MGST1: variants seen among roughly 807,000 people sequenced by gnomAD.
MGST1 encodes microsomal glutathione S-transferase 1, also known as glutathione S-transferase 12.
A neutral mutation model predicts 8.9 loss-of-function variants in MGST1; 5 were observed. The ratio of observed to expected loss-of-function variants is 0.56; its 90% CI spans 0.29 to 1.19. The LOEUF (loss-of-function observed/expected upper bound fraction) is 1.19. Among genes scored for constraint, MGST1 ranks in the 50% most tolerant of loss-of-function variants. The probability of loss-of-function intolerance (pLI) is 0.08; values close to 1 mark genes in which losing one functional copy is unlikely to be tolerated. For missense variants in MGST1, 182 were observed against 187.4 expected, an observed-to-expected ratio of 0.97 and a Z score of 0.17; for synonymous variants, 54 against 67.8, an observed-to-expected ratio of 0.80 and a Z score of 1.00.
chr12:16,399,738 T>C, intron 1 of MGST1: 4 of 1,166,730 alleles, frequency 3.4e-6, no homozygotes, highest in Non-Finnish European at 5.2e-6. Context: ...GTTGAGGGAC[T>C]GTACTCCTTC....
intron 1 of MGST1, among the ~76,000 whole-genome samples, chr12:16,384,364 CT>C (rs1437807838): frequency 6.6e-6 from 1 of 152,082 alleles, no homozygotes; most frequent in Admixed American, 6.5e-5. Context: ...AGATTGGGCT[CT>C]AAATCCAATG....
intron 4 of MGST1, among the ~76,000 whole-genome samples, chr12:16,521,271 A>C (rs1284448661): frequency 6.6e-6 from 1 of 152,146 alleles, no homozygotes; most frequent in East Asian, 1.9e-4. Flanking sequence ...CACAAATAAA[A>C]ATCCAGAAAG....
intron 4 of MGST1, among the ~76,000 whole-genome samples, chr12:16,453,380 T>C (rs969507275): frequency 6.6e-6 from 1 of 151,968 alleles, no homozygotes; most frequent in African/African-American, 2.4e-5. Flanking sequence ...GATTGTTTCA[T>C]ATTTCAATCA....
chr12:16,568,959 G>A (rs1942715794), intron 4 of MGST1, among the ~76,000 whole-genome samples: 1 of 152,020 alleles, frequency 6.6e-6, no homozygotes, highest in Non-Finnish European at 1.5e-5. Context: ...TTTCTAACTT[G>A]AAACTTAAAA....
Position 16,588,301 on chromosome 12 carries a change from A to G in MGST1, n.483-1227A>G, listed in dbSNP as rs568170791. Among the ~76,000 whole-genome samples, 14 of 152,204 alleles carry G rather than the reference A, an allele frequency of 9.2e-5. No homozygotes were observed. In the South Asian group the frequency reaches 2.7e-3, roughly 29 times the overall value. Reference sequence around the variant, plus strand: ...CTCAAATTTCTTTAAGAATAAAGATATATAATCAAATTGTTTAAAGAACAC... The same window carrying G: ...CTCAAATTTCTTTAAGAATAAAGATGTATAATCAAATTGTTTAAAGAACAC... On this transcript the variant is annotated intron_variant and non_coding_transcript_variant, in intron 4 of 4. Coordinates refer to the MGST1 transcript ENST00000538857.
intron 4 of MGST1, among the ~76,000 whole-genome samples, chr12:16,580,187 AACTCCTGGGCTCAAGTGGTCCTCCC>A (rs1181508406): frequency 7.9e-5 from 12 of 152,150 alleles, no homozygotes; most frequent in Admixed American, 3.9e-4. Flanking sequence ...GCTGGCCTCC[AACTCCTGGGCTCAAGTGGTCCTCCC>A]ACCTCAATCT....
intron 4 of MGST1, among the ~76,000 whole-genome samples, chr12:16,522,227 T>C (rs950519268): frequency 6.6e-6 from 1 of 152,128 alleles, no homozygotes. Context: ...TTTTTGACGA[T>C]GGGATCGATG....
downstream of MGST1, among the ~76,000 whole-genome samples, chr12:16,366,403 C>T (rs986781756): frequency 5.3e-5 from 8 of 152,092 alleles, no homozygotes; most frequent in Non-Finnish European, 2.9e-5. The surrounding 1 kb of genome is among the most constrained non-coding windows in gnomAD (Gnocchi z 4.0). Flanking sequence ...GGTCTAGTCT[C>T]TCCTGAAACA....
In MGST1 at chr12:16,551,615, C is replaced by T. The variant is rs180889751; in HGVS notation, n.483-37913C>T. The stretch of plus-strand genomic sequence containing the variant: ...TTGCTTTTTTTTTTTTTAAACCACA[C>T]TGGAAAGAAAAAAAATAAAAAGAAC... On this transcript the variant is annotated intron_variant and non_coding_transcript_variant, in intron 4 of 4. Transcript: ENST00000538857. Among the ~76,000 whole-genome samples, 189 of 146,564 alleles carry T rather than the reference C, an allele frequency of 1.3e-3. 2 individuals are homozygous for T. Among genetic ancestry groups the T allele is most frequent in the Admixed American group, 4.4e-3 (65 of 14,744 alleles).
intron 1 of MGST1, chr12:16,400,866 T>C (rs1940649102): frequency 2.6e-6 from 3 of 1,174,146 alleles, no homozygotes; most frequent in Non-Finnish European, 3.9e-6. Context: ...TGTGGTTCCT[T>C]AGGCATCAGA....
At position 16,357,710 on chromosome 12, in the gene MGST1, GTC is replaced by G. The variant is rs747068649; in HGVS notation, c.221+15_221+16del. On this transcript the variant is annotated intron_variant, in intron 3 of 3. Transcript: ENST00000396210. ...AGAACGTGTACGCAGGTAAACCAGT[GTC>G]TCTTGAAATTACTTACTTTATGAAA... The G allele has an allele frequency of 1.9e-6, 3 of 1,605,206 alleles. No individual in the cohort carries two copies. Among genetic ancestry groups the G allele is most frequent in the African/African-American group, 2.7e-5 (2 of 74,298 alleles).
At chr12:16,368,040 TTAGC>T (rs1262088266), downstream of MGST1, among the ~76,000 whole-genome samples, 1 of 151,708 alleles carries the variant, frequency 6.6e-6, no homozygotes, top group Non-Finnish European at 1.5e-5. Flanking sequence ...TATGCTGAGT[TTAGC>T]TAGGAGGTTA....
intron 4 of MGST1, among the ~76,000 whole-genome samples, chr12:16,472,213 C>T (rs1941293451): frequency 6.6e-6 from 1 of 151,948 alleles, no homozygotes; most frequent in East Asian, 1.9e-4. Flanking sequence ...TCTTACCTGC[C>T]CCATAAAAAG....
intron 4 of MGST1, among the ~76,000 whole-genome samples, chr12:16,554,719 G>A (rs1008252783): frequency 7.2e-5 from 11 of 152,086 alleles, no homozygotes; most frequent in Admixed American, 3.3e-4. Flanking sequence ...GCCTGACTCC[G>A]GAGAGGGAGA....
At position 16,548,354 on chromosome 12, in the gene MGST1, C is replaced by T. The variant is rs907701249; in HGVS notation, n.483-41174C>T. The T allele has an allele frequency of 6.6e-6, 1 of 151,716 alleles. No homozygotes were observed. The highest frequency in any genetic ancestry group is 2.4e-5 in the African/African-American group (1 of 41,258). The allele number at this position is 151,716 out of a possible 1,614,324, so 9.4% of individuals were successfully genotyped here. A position where few individuals can be genotyped will look rare whatever the true frequency, so the allele number is the denominator to read the frequency against. On this transcript the variant is annotated intron_variant and non_coding_transcript_variant, in intron 4 of 4. Transcript: ENST00000538857. The surrounding 1 kb of genome is among the most constrained non-coding windows in gnomAD (Gnocchi z 4.2). ...TTCTAGAGATCATCTTAAATTTTGC[C>T]AATTAAGTGCAATCAAATAGTGTAA...
intron 4 of MGST1, among the ~76,000 whole-genome samples, chr12:16,543,212 G>A (rs1941802375): frequency 6.6e-6 from 1 of 152,066 alleles, no homozygotes; most frequent in Non-Finnish European, 1.5e-5. Flanking sequence ...AGTGATTACT[G>A]AGTTCATCTT....
chr12:16,376,310 A>G (rs1470667192), exon 4 of MGST1: 1 of 480,714 alleles, frequency 2.1e-6, no homozygotes. Context: ...GCTGTTAACA[A>G]CACAAAAAGA....
At chr12:16,434,450 G>A (rs1328232060) in intron 1 of MGST1, among the ~76,000 whole-genome samples, 1 of 151,646 alleles carries the variant, frequency 6.6e-6, no homozygotes, top group Non-Finnish European at 1.5e-5. Flanking sequence ...AGTTGTGTGT[G>A]TGTGTGTGTG....
chr12:16,463,770 C>G (rs1565459679), intron 4 of MGST1, among the ~76,000 whole-genome samples: 2 of 152,104 alleles, frequency 1.3e-5, no homozygotes. Context: ...AAATAAGGCA[C>G]AAGACATTCA....
Sources: allele counts gnomAD v4.1 joint callset (sites outside exome capture counted in the v4.1 genomes callset), GRCh38; gene constraint gnomAD v4.1.1; non-coding constraint Gnocchi (gnomAD v3.1); transcripts MANE v1.5; gene names NCBI Gene and HGNC (gene_info 2026-07-23, HGNC 2026-07-21).